TADA2A: variants seen among roughly 807,000 people sequenced by gnomAD.
The protein encoded by TADA2A is transcriptional adaptor 2A.
TADA2A carries 38 observed loss-of-function variants against 67.4 expected under a neutral mutation model. The ratio of observed to expected loss-of-function variants is 0.56; its 90% CI spans 0.44 to 0.74. The LOEUF (loss-of-function observed/expected upper bound fraction) is 0.74, where lower values mean the gene tolerates loss of function less well. Ranked by LOEUF, TADA2A falls within the 30% of genes least tolerant of loss-of-function variation. The pLI, the probability that TADA2A is intolerant of heterozygous loss-of-function variation, is 0.00. For missense variants in TADA2A, 454 were observed against 547.0 expected, an observed-to-expected ratio of 0.83 and a Z score of 1.70; for synonymous variants, 192 against 181.6, an observed-to-expected ratio of 1.06 and a Z score of -0.46.
At chr17:37,424,372 T>C (rs2052340543) in intron 3 of TADA2A, among the ~76,000 whole-genome samples, 2 of 151,592 alleles carry the variant, frequency 1.3e-5, no homozygotes, top group South Asian at 2.1e-4. Flanking sequence ...TTTTTTTTTT[T>C]GAGACGAAGT....
At chr17:37,415,755 T>A (rs1426942823) in intron 2 of TADA2A, among the ~76,000 whole-genome samples, 7 of 151,524 alleles carry the variant, frequency 4.6e-5, no homozygotes, top group Non-Finnish European at 7.4e-5. Context: ...GTGCCTGTAA[T>A]CCCAGCTACT....
rs2053838601 is a variant in TADA2A at position 37,473,686 on chromosome 17, G to T, written c.1073-870G>T. On this transcript the variant is annotated intron_variant, in intron 14 of 15. Coordinates refer to ENST00000615182, the MANE Select transcript of TADA2A (RefSeq NM_001166105.3). ...AAACCAAAAAAGTTTTGCTCATCAA[G>T]CTTCCCCTCCTGGCCAGTGACCTCC... is the stretch of plus-strand genomic sequence containing the variant. Among the ~76,000 whole-genome samples the T allele has an allele frequency of 2.0e-5, 3 of 152,264 alleles. No individual in the cohort carries two copies. The South Asian group carries it at 6.2e-4, about 32-fold the overall frequency.
chr17:37,452,692 T>C (rs1364977960), intron 8 of TADA2A, among the ~76,000 whole-genome samples: 1 of 152,078 alleles, frequency 6.6e-6, no homozygotes, highest in Non-Finnish European at 1.5e-5. Context: ...GTGACAGGTA[T>C]AGGCATTCTA....
chr17:37,414,111 G>A (rs1172350137), intron 2 of TADA2A, among the ~76,000 whole-genome samples: 1 of 152,132 alleles, frequency 6.6e-6, no homozygotes, highest in African/African-American at 2.4e-5. Context: ...CATCCATGTT[G>A]CTGCAAAGGA....
At position 37,416,340 on chromosome 17, in the gene TADA2A, G is replaced by A. The variant is rs1225195981; in HGVS notation, c.25+4950G>A. On this transcript the variant is annotated intron_variant, in intron 2 of 15. Coordinates refer to ENST00000615182, the MANE Select transcript of TADA2A (RefSeq NM_001166105.3). Reference sequence around the variant, plus strand: ...CCTTCGTGTTGGCCAGGCTGGTCTCGAACTCCCAACCTCAGGTGATCTGCC... The same window carrying A: ...CCTTCGTGTTGGCCAGGCTGGTCTCAAACTCCCAACCTCAGGTGATCTGCC... 5.3e-5 allele frequency among the ~76,000 whole-genome samples: 8 copies of A among 151,526 alleles called. No homozygotes were observed. The Middle Eastern group carries it at 0.01, about 195-fold the overall frequency.
At chr17:37,444,674 AT>A in intron 7 of TADA2A, 21 bp from the exon 8 acceptor site, 7 of 1,610,868 alleles carry the variant, frequency 4.3e-6, no homozygotes, top group East Asian at 2.2e-5. Flanking sequence ...TGGGGTGGGG[AT>A]TTTTTTGTTC....
chr17:37,476,949 C>T lies in TADA2A; in HGVS notation c.1299C>T (p.Phe433=). ...DVNKTRKIYD[F]LIREGYITKG is the part of the protein sequence containing the mutation. The stretch of plus-strand genomic sequence containing the variant: ...ACAAAACCCGGAAAATCTATGATTT[C>T]CTCATCAGAGAAGGATACATCACTA... The change falls in exon 16 of 16, where the codon TTC becomes TTT. Residue 433 remains phenylalanine (F), a synonymous_variant. Transcript: ENST00000615182. 6.2e-7 allele frequency: 1 copy of T among 1,613,874 alleles called. No homozygotes were observed. Among genetic ancestry groups the T allele is most frequent in the South Asian group, 1.1e-5 (1 of 91,064 alleles).
At chr17:37,462,568 G>C (rs1268802444) in intron 10 of TADA2A, among the ~76,000 whole-genome samples, 1 of 152,144 alleles carries the variant, frequency 6.6e-6, no homozygotes, top group Non-Finnish European at 1.5e-5. Flanking sequence ...GGAGGTAAAG[G>C]TTGCAGTGAG....
chr17:37,422,514 T>C (rs1379133171), intron 2 of TADA2A, among the ~76,000 whole-genome samples: 2 of 145,982 alleles, frequency 1.4e-5, no homozygotes, highest in South Asian at 4.3e-4. Flanking sequence ...TTATTATTAT[T>C]ATTATTATTT....
chr17:37,439,404 T>C (rs1214703272), intron 5 of TADA2A, among the ~76,000 whole-genome samples: 1 of 152,128 alleles, frequency 6.6e-6, no homozygotes, highest in East Asian at 1.9e-4. Flanking sequence ...CAGCTCAGGC[T>C]CCCGAGTAGC....
At chr17:37,437,483 T>C (rs2052766065) in intron 4 of TADA2A, among the ~76,000 whole-genome samples, 1 of 151,878 alleles carries the variant, frequency 6.6e-6, no homozygotes, top group Non-Finnish European at 1.5e-5. Context: ...GCTTCCGCAG[T>C]TCAAGTGATT....
Position 37,470,391 on chromosome 17 carries a change from T to C in TADA2A, c.896-9T>C. The C allele has an allele frequency of 6.2e-7, 1 of 1,613,564 alleles. No homozygotes were observed. On this transcript the variant is annotated splice_polypyrimidine_tract_variant and intron_variant, in intron 12 of 15. Transcript: ENST00000615182. ...GTCATTGTGGTCATTGTGTTTTCTATACCCCCAGGTGCCAGAACCTACGAT... is the reference window on the plus strand; with the variant it reads ...GTCATTGTGGTCATTGTGTTTTCTACACCCCCAGGTGCCAGAACCTACGAT...
intron 8 of TADA2A, among the ~76,000 whole-genome samples, chr17:37,449,113 T>C (rs2522964): frequency 0.68 from 103,012 of 151,796 alleles, 35,332 homozygotes; most frequent in East Asian, 0.97. Flanking sequence ...CTCCGCCTCC[T>C]GGGTTCACGC....
intron 11 of TADA2A, 65 bp from the exon 12 acceptor site, chr17:37,467,389 A>G (rs1361969892): frequency 7.3e-7 from 1 of 1,363,926 alleles, no homozygotes; most frequent in South Asian, 1.2e-5. Context: ...CTCAATAGCA[A>G]AAGTGCTCAC....
At chr17:37,469,868 T>G (rs781316514) in intron 12 of TADA2A, among the ~76,000 whole-genome samples, 26 of 152,230 alleles carry the variant, frequency 1.7e-4, no homozygotes, top group Admixed American at 3.9e-4. Context: ...GCAGCTCTTC[T>G]GTTTAGCAAG....
At chr17:37,457,247 C>A (rs569651716) in intron 8 of TADA2A, among the ~76,000 whole-genome samples, 1 of 136,696 alleles carries the variant, frequency 7.3e-6, no homozygotes, top group Non-Finnish European at 1.5e-5. Context: ...GTGGTGCCAT[C>A]TCGGCTCACT....
chr17:37,458,634 GTT>G (rs145733561), intron 9 of TADA2A, 47 bp downstream of exon 9: 11 of 1,267,282 alleles, frequency 8.7e-6, no homozygotes, highest in South Asian at 5.1e-5. Flanking sequence ...TTGGATTATT[GTT>G]TTGTGTGTGT....
chr17:37,440,069 A>G (rs2052866064), intron 5 of TADA2A, among the ~76,000 whole-genome samples: 1 of 150,972 alleles, frequency 6.6e-6, no homozygotes, highest in African/African-American at 2.4e-5. Context: ...TCAGCCTCCC[A>G]AGTAGCTGGG....
intron 4 of TADA2A, 26 bp from the exon 5 acceptor site, chr17:37,437,712 C>T: frequency 1.2e-6 from 2 of 1,609,168 alleles, no homozygotes; most frequent in Non-Finnish European, 1.7e-6. Context: ...TATCTCTGTT[C>T]TTAAGCAAAA....
Sources: allele counts gnomAD v4.1 joint callset (sites outside exome capture counted in the v4.1 genomes callset), GRCh38; gene constraint gnomAD v4.1.1; transcripts MANE v1.5; gene names NCBI Gene and HGNC (gene_info 2026-07-23, HGNC 2026-07-21).